The following CDKAL1 variants were observed in gnomAD, a reference collection of about 807,000 sequenced individuals.
CDKAL1 encodes threonylcarbamoyladenosine tRNA methylthiotransferase.
Under a neutral mutation model 68.2 loss-of-function variants are expected in CDKAL1, and 32 were observed. That is an observed-to-expected ratio of 0.47 (90% CI 0.35 to 0.63). The LOEUF (loss-of-function observed/expected upper bound fraction) is 0.63. Among genes scored for constraint, CDKAL1 ranks in the 30% least tolerant of loss-of-function variants. CDKAL1 has a pLI of 0.00. For missense variants in CDKAL1, 606 were observed against 696.7 expected, an observed-to-expected ratio of 0.87 and a Z score of 1.47; for synonymous variants, 234 against 244.3, an observed-to-expected ratio of 0.96 and a Z score of 0.39.
At chr6:20,814,841 C>G (rs1195756425) in intron 8 of CDKAL1, among the ~76,000 whole-genome samples, 1 of 152,128 alleles carries the variant, frequency 6.6e-6, no homozygotes, top group African/African-American at 2.4e-5. Context: ...GCTTGTTCAT[C>G]TTTCATACTC....
In CDKAL1 at chr6:20,755,293, G is replaced by A. The variant is rs186543247; in HGVS notation, c.469-3302G>A. Among the ~76,000 whole-genome samples, 318 of 152,244 alleles carry A rather than the reference G, an allele frequency of 2.1e-3. 1 individual carries two copies. The highest frequency in any genetic ancestry group is 7.2e-3 in the African/African-American group (301 of 41,538). The stretch of plus-strand genomic sequence containing the variant: ...TCACCTCTCACTTCATCATACATCA[G>A]TTCCAGCAGTCATCACCTACACCTT... On this transcript the variant is annotated intron_variant, in intron 6 of 15. Coordinates refer to ENST00000274695, the MANE Select transcript of CDKAL1 (RefSeq NM_017774.3).
At chr6:20,852,120 AAG>A (rs1759048010) in intron 9 of CDKAL1, among the ~76,000 whole-genome samples, 1 of 152,170 alleles carries the variant, frequency 6.6e-6, no homozygotes, top group Non-Finnish European at 1.5e-5. Flanking sequence ...AACTTCCAAA[AAG>A]GATTTTAGGC....
At position 21,000,257 on chromosome 6, in the gene CDKAL1, G is replaced by A; in HGVS notation, c.940G>A (p.Val314Ile). 6.2e-7 allele frequency: 1 copy of A among 1,613,874 alleles called. No individual in the cohort carries two copies. Residue 314 changes from valine (V) to isoleucine (I), a missense_variant, in exon 11 of 16, where the codon GTC becomes ATC. Transcript: ENST00000274695. ...GGCAAAAATCCTTAATCACCCCAGA[G>A]TCTACGCTTTTCTGCACATACCAGT... ...EMAKILNHPR[V>I]YAFLHIPVQS... is the part of the protein sequence containing the mutation.
intron 9 of CDKAL1, among the ~76,000 whole-genome samples, chr6:20,864,909 A>G (rs1442978935): frequency 6.6e-6 from 1 of 152,052 alleles, no homozygotes; most frequent in Non-Finnish European, 1.5e-5. Context: ...TTATCTCTTT[A>G]TTTTTATTCT....
At chr6:21,009,100 ATAT>A (rs753673338) in intron 11 of CDKAL1, among the ~76,000 whole-genome samples, 1 of 152,218 alleles carries the variant, frequency 6.6e-6, no homozygotes, top group Non-Finnish European at 1.5e-5. Flanking sequence ...ACAATGGCAC[ATAT>A]TATATACAAA....
At chr6:20,769,385 A>C (rs1289845342) in intron 7 of CDKAL1, among the ~76,000 whole-genome samples, 1 of 150,476 alleles carries the variant, frequency 6.6e-6, no homozygotes, top group African/African-American at 2.4e-5. Context: ...CAGCCTCCCA[A>C]GTAGCTGGGA....
intron 12 of CDKAL1, among the ~76,000 whole-genome samples, chr6:21,086,065 G>A (rs1277882915): frequency 1.3e-5 from 2 of 152,136 alleles, no homozygotes; most frequent in East Asian, 1.9e-4. Flanking sequence ...AGTGCTTGCC[G>A]CCTTGCACTG....
intron 11 of CDKAL1, among the ~76,000 whole-genome samples, chr6:21,043,286 C>T (rs1281351000): frequency 6.6e-6 from 1 of 151,888 alleles, no homozygotes; most frequent in Non-Finnish European, 1.5e-5. Context: ...TCCTCAGGAC[C>T]GAAGCCCAAA....
At chr6:20,700,413 T>A (rs1031811548) in intron 5 of CDKAL1, among the ~76,000 whole-genome samples, 3 of 151,884 alleles carry the variant, frequency 2.0e-5, no homozygotes, top group Non-Finnish European at 4.4e-5. Flanking sequence ...TCCCCTAACA[T>A]GTGTGCCTTA....
intron 4 of CDKAL1, among the ~76,000 whole-genome samples, chr6:20,569,862 A>T (rs1764625189): frequency 6.6e-6 from 1 of 152,170 alleles, no homozygotes; most frequent in South Asian, 2.1e-4. Flanking sequence ...TTAAAAAGGG[A>T]GAAAGATGGC....
rs541009344 is a variant in CDKAL1, at chr6:20,931,485, T to G, written c.743-23934T>G. On this transcript the variant is annotated intron_variant, in intron 9 of 15. Transcript: ENST00000274695. ...ACTAACAAAACTATTCTCCTGGTGC[T>G]GAATAAGAACTACTTGAACAAGCTA... 8.2e-4 allele frequency among the ~76,000 whole-genome samples: 125 copies of G among 152,310 alleles called. 3 individuals are homozygous for G. The South Asian group carries it at 0.025, about 30-fold the overall frequency.
intron 4 of CDKAL1, among the ~76,000 whole-genome samples, chr6:20,567,443 A>G (rs2127673900): frequency 6.6e-6 from 1 of 152,206 alleles, no homozygotes; most frequent in South Asian, 2.1e-4. Context: ...ATGAAATTTG[A>G]TTTAAGCACA....
chr6:20,924,639 A>G (rs1381206397), intron 9 of CDKAL1, among the ~76,000 whole-genome samples: 3 of 152,220 alleles, frequency 2.0e-5, no homozygotes, highest in Admixed American at 1.3e-4. Flanking sequence ...ACTCTGTTCA[A>G]TTCTGTGAAG....
chr6:20,750,121 TTTTG>T (rs1157797460), intron 6 of CDKAL1, among the ~76,000 whole-genome samples: 1 of 152,124 alleles, frequency 6.6e-6, no homozygotes, highest in Non-Finnish European at 1.5e-5. Flanking sequence ...ATGTTGTATT[TTTTG>T]TTTGTTTGAG....
chr6:20,838,415 T>C (rs1188390302), intron 8 of CDKAL1, among the ~76,000 whole-genome samples: 5 of 152,162 alleles, frequency 3.3e-5, no homozygotes. Context: ...CAGCTGTCTC[T>C]ACTGCTGTCT....
intron 9 of CDKAL1, among the ~76,000 whole-genome samples, chr6:20,932,720 T>G (rs1285301280): frequency 6.6e-6 from 1 of 152,176 alleles, no homozygotes; most frequent in African/African-American, 2.4e-5. Context: ...GAATATGATT[T>G]CCTTGCCAAC....
At chr6:20,567,873 C>G (rs1315010396) in intron 4 of CDKAL1, among the ~76,000 whole-genome samples, 1 of 151,564 alleles carries the variant, frequency 6.6e-6, no homozygotes, top group Admixed American at 6.6e-5. Context: ...ACCACCATGC[C>G]CAGCAAATTT....
At chr6:20,916,067 A>G in intron 9 of CDKAL1, among the ~76,000 whole-genome samples, 1 of 152,194 alleles carries the variant, frequency 6.6e-6, no homozygotes, top group Admixed American at 6.5e-5. Context: ...AGCCTGAGGC[A>G]GTTTTGGGGT....
At chr6:20,651,858 G>T (rs537024152) in intron 5 of CDKAL1, among the ~76,000 whole-genome samples, 4 of 152,268 alleles carry the variant, frequency 2.6e-5, no homozygotes, top group African/African-American at 9.6e-5. Context: ...TATGTTTATT[G>T]ATTTACATAT....
Sources: gnomAD v4.1 joint callset for allele counts (sites outside exome capture counted in the v4.1 genomes callset) on GRCh38, gnomAD v4.1.1 for gene constraint, MANE v1.5 for transcripts, NCBI Gene and HGNC (gene_info 2026-07-23, HGNC 2026-07-21) for gene names.